Variants in FARP2 observed in about 807,000 individuals in gnomAD.
FARP2 encodes the protein FERM, ARHGEF and pleckstrin domain-containing protein 2.
In FARP2, 111 loss-of-function variants were observed where a neutral mutation model predicts 130.5. That is an observed-to-expected ratio of 0.85 (90% CI 0.73 to 1.00). The LOEUF (loss-of-function observed/expected upper bound fraction) is 1.00, where lower values mean the gene tolerates loss of function less well. Among genes scored for constraint, FARP2 ranks in the 50% least tolerant of loss-of-function variants. FARP2 has a pLI of 0.00. For synonymous variants in FARP2, 504 were observed against 516.9 expected (o/e 0.98, Z 0.34); for missense variants, 1,385 against 1,346.3 (o/e 1.03, Z -0.45).
chr2:241,402,816 C>A (rs1452188396), intron 2 of FARP2, among the ~76,000 whole-genome samples: 2 of 116,240 alleles, frequency 1.7e-5, no homozygotes, highest in African/African-American at 3.4e-5. Context: ...TACAGGTGCA[C>A]GCCACTACAC....
chr2:241,493,621 G>A (rs985894076), intron 26 of FARP2, 177 bp downstream of exon 26: 9 of 598,732 alleles, frequency 1.5e-5, no homozygotes, highest in South Asian at 1.0e-4. Context: ...TGGAGATGGC[G>A]TCTCCCTCTG....
At chr2:241,460,440 G>A (rs2063983357) in intron 14 of FARP2, among the ~76,000 whole-genome samples, 1 of 148,416 alleles carries the variant, frequency 6.7e-6, no homozygotes, top group African/African-American at 2.5e-5. Context: ...CCACCTGCTT[G>A]GCTAACCTTT....
chr2:241,456,931 C>T lies in FARP2; in HGVS notation c.1587+9C>T. On this transcript the variant is annotated intron_variant, in intron 14 of 26. Coordinates refer to ENST00000264042, the MANE Select transcript of FARP2 (RefSeq NM_014808.4). ...AGGAGCCCAGACACAAGGTGGGCCC[C>T]TCGAGGCTGAGAAGCTAGCAGAGGG... 6.3e-7 allele frequency: 1 copy of T among 1,577,700 alleles called. No individual in the cohort carries two copies. Among genetic ancestry groups the T allele is most frequent in the South Asian group, 1.2e-5 (1 of 86,344 alleles).
At chr2:241,493,905 T>C in intron 26 of FARP2, 103 bp from the exon 27 acceptor site, 1 of 736,910 alleles carries the variant, frequency 1.4e-6, no homozygotes, top group Non-Finnish European at 2.1e-6. Context: ...CCCCAGGTTT[T>C]TAACCCTTCT....
chr2:241,488,647 G>C (rs545813607), intron 21 of FARP2: 1 of 152,140 alleles, frequency 6.6e-6, no homozygotes, highest in East Asian at 1.9e-4. Context: ...TGATCCGCCC[G>C]CCTCGGCCTC....
In FARP2 at chr2:241,413,359, C is replaced by T. The variant is rs751765360; in HGVS notation, c.561C>T (p.Asn187=). The T allele has an allele frequency of 9.9e-6, 16 of 1,612,528 alleles. No homozygotes were observed. The highest frequency in any genetic ancestry group is 6.7e-5 in the African/African-American group (5 of 74,910). The change falls in exon 7 of 27, where the codon AAC becomes AAT. Residue 187 remains asparagine, a synonymous_variant. Transcript: ENST00000264042. ...TGGACCGAGAGCACCTCAAAGTGAA[C>T]GAGTATTTGCCTGGCCAGCAGCACT... ...ETLDREHLKV[N]EYLPGQQHCL...
chr2:241,411,949 A>G (rs1024696423), intron 6 of FARP2, among the ~76,000 whole-genome samples: 1 of 152,174 alleles, frequency 6.6e-6, no homozygotes, highest in African/African-American at 2.4e-5. Flanking sequence ...GTTCTTACTC[A>G]TTTGGCTGAA....
chr2:241,434,327 G>C lies in FARP2; in HGVS notation c.1031+6G>C, dbSNP rs1417486972. On this transcript the variant is annotated splice_donor_region_variant and intron_variant, in intron 10 of 26. Transcript: ENST00000264042. ...GGCTCCTCCTTCAGATACAGGTAGG[G>C]GCCATGCCGTGGCTTGCATGGGCCC... The C allele has an allele frequency of 1.3e-6, 2 of 1,591,382 alleles. No homozygotes were observed. The highest frequency in any genetic ancestry group is 2.7e-5 in the African/African-American group (2 of 73,374).
At chr2:241,404,711 T>A in intron 3 of FARP2, 88 bp from the exon 4 acceptor site, 1 of 1,009,664 alleles carries the variant, frequency 9.9e-7, no homozygotes, top group South Asian at 1.4e-5. Context: ...AAATTTATCT[T>A]ATTATAACCA....
At chr2:241,447,794 C>T (rs1330292623) in intron 13 of FARP2, among the ~76,000 whole-genome samples, 1 of 152,184 alleles carries the variant, frequency 6.6e-6, no homozygotes, top group Non-Finnish European at 1.5e-5. Context: ...GGGGTGGGGG[C>T]AGGGCTTTGG....
intron 2 of FARP2, among the ~76,000 whole-genome samples, chr2:241,397,057 C>T (rs1209714604): frequency 3.3e-5 from 5 of 152,100 alleles, no homozygotes; most frequent in Non-Finnish European, 7.4e-5. Flanking sequence ...AATTGGAAAT[C>T]ATCATTCTCA....
At chr2:241,483,756 C>T (rs1222236697) in intron 20 of FARP2, 17 of 979,024 alleles carry the variant, frequency 1.7e-5, no homozygotes, top group Non-Finnish European at 1.9e-5. Context: ...GGCCAGCCTC[C>T]TTCTTCATTC....
intron 1 of FARP2, among the ~76,000 whole-genome samples, chr2:241,359,458 G>A (rs2061135288): frequency 6.6e-6 from 1 of 152,132 alleles, no homozygotes; most frequent in Admixed American, 6.5e-5. Context: ...AGCTCGCGCA[G>A]CACAACCCCA....
At chr2:241,406,735 A>G (rs2062363119) in intron 4 of FARP2, among the ~76,000 whole-genome samples, 1 of 152,106 alleles carries the variant, frequency 6.6e-6, no homozygotes, top group African/African-American at 2.4e-5. Flanking sequence ...AAGTGCTGGG[A>G]TTACAGATGT....
Position 241,483,456 on chromosome 2 carries a change from G to A in FARP2, c.2263-9G>A. 2 of 1,613,502 alleles carry A rather than the reference G, an allele frequency of 1.2e-6. No homozygotes were observed. The highest frequency in any genetic ancestry group is 4.5e-5 in the East Asian group (2 of 44,880). On this transcript the variant is annotated splice_polypyrimidine_tract_variant and intron_variant, in intron 19 of 26. Coordinates refer to ENST00000264042, the MANE Select transcript of FARP2 (RefSeq NM_014808.4). ...CCCGCTGAAAGGGGACTCTGTCTCT[G>A]TCTTTCAGGAGTTCATCCGTGAGGG...
intron 18 of FARP2, chr2:241,471,319 G>C (rs1026096999): frequency 1.3e-5 from 2 of 151,196 alleles, no homozygotes; most frequent in African/African-American, 4.9e-5. Context: ...ACACTATTCT[G>C]AGGGGATGCT....
Position 241,475,820 on chromosome 2 carries a change from T to A in FARP2, c.2132-37T>A, listed in dbSNP as rs1253324507. On this transcript the variant is annotated intron_variant, in intron 18 of 26. Transcript: ENST00000264042. This position sits in a 1 kb window ranked among gnomAD's most constrained non-coding sequence, Gnocchi z 4.4. ...GGGTGGAGGGTGCTGTGCACACCAC[T>A]GCCTGTACACCTGTACTGAGGGGTC... The A allele has an allele frequency of 6.4e-7, 1 of 1,570,662 alleles. No homozygotes were observed. The highest frequency in any genetic ancestry group is 1.4e-5 in the African/African-American group (1 of 73,182).
chr2:241,365,006 A>G (rs2061273347), intron 1 of FARP2, among the ~76,000 whole-genome samples: 1 of 152,212 alleles, frequency 6.6e-6, no homozygotes, highest in Non-Finnish European at 1.5e-5. Context: ...TTGAGCAAGC[A>G]GCTTCGTTTT....
intron 2 of FARP2, among the ~76,000 whole-genome samples, chr2:241,401,502 A>G (rs367664336): frequency 6.6e-6 from 1 of 152,188 alleles, no homozygotes; most frequent in South Asian, 2.1e-4. Flanking sequence ...TACATTGTAT[A>G]GAAATGGAGG....
Sources: gnomAD v4.1 joint callset for allele counts (sites outside exome capture counted in the v4.1 genomes callset) on GRCh38, gnomAD v4.1.1 for gene constraint, Gnocchi (gnomAD v3.1) non-coding constraint, MANE v1.5 for transcripts, NCBI Gene and HGNC (gene_info 2026-07-23, HGNC 2026-07-21) for gene names.